INTS6: variants seen among roughly 807,000 people sequenced by gnomAD.
The protein encoded by INTS6 is integrator complex subunit 6.
In INTS6, 16 loss-of-function variants were observed where a neutral mutation model predicts 104.9. The ratio of observed to expected loss-of-function variants is 0.15; its 90% CI spans 0.10 to 0.23. The LOEUF is 0.23. INTS6 is among the 10% of genes least tolerant of loss of function. The probability of loss-of-function intolerance (pLI) is 1.00; values close to 1 mark genes in which losing one functional copy is unlikely to be tolerated. For synonymous variants in INTS6, 324 were observed against 358.7 expected, an observed-to-expected ratio of 0.90 and a Z score of 1.09; for missense variants, 584 against 1,062.8, an observed-to-expected ratio of 0.55 and a Z score of 6.26.
intron 4 of INTS6, among the ~76,000 whole-genome samples, chr13:51,412,731 C>G (rs1454594275): frequency 6.6e-6 from 1 of 152,208 alleles, no homozygotes; most frequent in Non-Finnish European, 1.5e-5. Context: ...TTACTTGGCA[C>G]ACATTTCACA....
chr13:51,344,553 A>G, the INTS6 span: 1 of 1,307,714 alleles, frequency 7.6e-7, no homozygotes, highest in South Asian at 1.3e-5. Context: ...CTCACCCATC[A>G]CTTGTCAGAG....
At chr13:51,343,753 G>A in the INTS6 span, among the ~76,000 whole-genome samples, 1 of 152,186 alleles carries the variant, frequency 6.6e-6, no homozygotes, top group Non-Finnish European at 1.5e-5. Flanking sequence ...ACACGCAGTT[G>A]TGGGAATGGA....
intron 4 of INTS6, among the ~76,000 whole-genome samples, chr13:51,412,886 T>C (rs570621758): frequency 1.1e-3 from 163 of 152,332 alleles, no homozygotes; most frequent in African/African-American, 3.7e-3. Flanking sequence ...ATTAAAGTTA[T>C]TGACTTGGAA....
At chr13:51,355,945 C>T (rs1009133078) in intron 3 of INTS6, among the ~76,000 whole-genome samples, 21 of 152,126 alleles carry the variant, frequency 1.4e-4, no homozygotes, top group African/African-American at 4.8e-4. Context: ...GCTTGAAAAT[C>T]ACTATTTTGA....
chr13:51,408,612 G>GT (rs1956620776), intron 4 of INTS6, among the ~76,000 whole-genome samples: 1 of 152,144 alleles, frequency 6.6e-6, no homozygotes, highest in Admixed American at 6.5e-5. Flanking sequence ...ACCTTCTGTA[G>GT]TATGTTATGT....
At chr13:51,447,082 A>G (rs905209423) in intron 3 of INTS6, 1 of 152,246 alleles carries the variant, frequency 6.6e-6, no homozygotes, top group African/African-American at 2.4e-5. Flanking sequence ...TAAAAAATTT[A>G]CAAAATACTA....
intron 17 of INTS6, among the ~76,000 whole-genome samples, chr13:51,366,716 T>C (rs1000297886): frequency 6.6e-6 from 1 of 151,982 alleles, no homozygotes; most frequent in Non-Finnish European, 1.5e-5. Flanking sequence ...CTTATCTTGA[T>C]CCTGCAAACT....
the INTS6 span, among the ~76,000 whole-genome samples, chr13:51,346,636 C>A: frequency 6.6e-6 from 1 of 152,226 alleles, no homozygotes; most frequent in Non-Finnish European, 1.5e-5. Flanking sequence ...CTTTCCATTT[C>A]CCTCTCCACA....
chr13:51,451,720 G>GCAGCGC (rs1953053885), intron 2 of INTS6: 1 of 192,212 alleles, frequency 5.2e-6, no homozygotes, highest in African/African-American at 2.4e-5. Context: ...GTTGATAGCA[G>GCAGCGC]CGCCGCCGCC....
chr13:51,352,481 G>T (rs540518507), downstream of INTS6, among the ~76,000 whole-genome samples: 285 of 150,740 alleles, frequency 1.9e-3, no homozygotes, highest in African/African-American at 6.2e-3. Context: ...GTTTTTTTTT[G>T]TGTGTGTGGA....
chr13:51,399,360 C>T (rs1029836395), intron 4 of INTS6, among the ~76,000 whole-genome samples: 1 of 152,132 alleles, frequency 6.6e-6, no homozygotes, highest in East Asian at 1.9e-4. Context: ...GCACGTGCCA[C>T]CACACTCAGC....
intron 4 of INTS6, among the ~76,000 whole-genome samples, chr13:51,422,820 C>T (rs1478035915): frequency 6.6e-6 from 1 of 152,104 alleles, no homozygotes; most frequent in African/African-American, 2.4e-5. Flanking sequence ...CTATACTTTC[C>T]ATACTCCAGG....
At chr13:51,408,213 G>A (rs1182553384) in intron 4 of INTS6, among the ~76,000 whole-genome samples, 1 of 148,262 alleles carries the variant, frequency 6.7e-6, no homozygotes, top group African/African-American at 2.5e-5. Context: ...GTGCAATCTC[G>A]ACTCACTGCA....
intron 4 of INTS6, among the ~76,000 whole-genome samples, chr13:51,416,828 T>C (rs1956796277): frequency 6.6e-6 from 1 of 152,194 alleles, no homozygotes; most frequent in African/African-American, 2.4e-5. Context: ...CTGCATCATT[T>C]TACATCCTCA....
chr13:51,381,114 A>T (rs1956042104), intron 10 of INTS6, among the ~76,000 whole-genome samples: 1 of 152,224 alleles, frequency 6.6e-6, no homozygotes, highest in Admixed American at 6.5e-5. Flanking sequence ...CATATTAAGT[A>T]ACCTAGAAAT....
In INTS6 at chr13:51,383,826, TTCC is replaced by T; in HGVS notation, c.895-88_895-86del. ...TTCCTCATTATCAAAATTTACTCAG[TTCC>T]TCCGTCTTGCTAGTAAGAGTTTGAT... On this transcript the variant is annotated intron_variant, in intron 7 of 17. Coordinates refer to ENST00000311234, the MANE Select transcript of INTS6 (RefSeq NM_012141.3). 5 of 1,147,310 alleles carry T rather than the reference TTCC, an allele frequency of 4.4e-6. No homozygotes were observed. In the East Asian group the frequency reaches 1.2e-4, roughly 28 times the overall value. 71.1% of individuals were successfully genotyped at this position (1,147,310 alleles called of 1,614,324 possible). A position where few individuals can be genotyped will look rare whatever the true frequency, so the allele number is the denominator to read the frequency against.
At chr13:51,374,523 C>G in intron 14 of INTS6, 84 bp from the exon 15 acceptor site, 1 of 1,511,412 alleles carries the variant, frequency 6.6e-7, no homozygotes, top group East Asian at 2.3e-5. Context: ...ATGAAGGTAA[C>G]TATATTCTGT....
intron 4 of INTS6, among the ~76,000 whole-genome samples, chr13:51,409,087 A>G (rs1179781743): frequency 1.3e-5 from 2 of 151,972 alleles, no homozygotes; most frequent in African/African-American, 4.8e-5. Context: ...GGCCATTAGA[A>G]GTTAAGCAGA....
chr13:51,361,213 G>A, downstream of INTS6: 1 of 996,386 alleles, frequency 1.0e-6, no homozygotes, highest in Non-Finnish European at 1.6e-6. Context: ...TTTAAAGAAT[G>A]TGTTCTAAAT....
Sources: allele counts gnomAD v4.1 joint callset (sites outside exome capture counted in the v4.1 genomes callset), GRCh38; gene constraint gnomAD v4.1.1; transcripts MANE v1.5; gene names NCBI Gene and HGNC (gene_info 2026-07-23, HGNC 2026-07-21).